Variants in SERPINE2 observed in about 807,000 individuals in gnomAD.
SERPINE2 encodes glia-derived nexin.
Under a neutral mutation model 36.3 loss-of-function variants are expected in SERPINE2, and 14 were observed. That is an observed-to-expected ratio of 0.39 (90% CI 0.25 to 0.60). SERPINE2 has a LOEUF of 0.60. SERPINE2 is among the 20% of genes least tolerant of loss of function. SERPINE2 has a pLI of 0.57. For missense variants in SERPINE2, 418 were observed against 499.6 expected, an observed-to-expected ratio of 0.84 and a Z score of 1.56; for synonymous variants, 192 against 191.8, an observed-to-expected ratio of 1.00 and a Z score of -0.01.
At chr2:224,030,088 G>A (rs1692311500) in intron 1 of SERPINE2, 1 of 985,416 alleles carries the variant, frequency 1.0e-6, no homozygotes, top group Admixed American at 6.1e-5. Context: ...CGTGTTCCCT[G>A]GAAGACCTCT....
At chr2:224,032,791 A>C (rs1218113031) in intron 1 of SERPINE2, among the ~76,000 whole-genome samples, 1 of 152,236 alleles carries the variant, frequency 6.6e-6, no homozygotes, top group African/African-American at 2.4e-5. Context: ...GAATCCTAGG[A>C]CATGTTTGCC....
At chr2:224,031,560 C>G in intron 1 of SERPINE2, 3 of 950,634 alleles carry the variant, frequency 3.2e-6, no homozygotes, top group Non-Finnish European at 3.8e-6. Context: ...GGCATGTGAC[C>G]ACGTGACCTA....
chr2:224,037,302 C>G (rs1692566706), intron 1 of SERPINE2, among the ~76,000 whole-genome samples: 1 of 152,186 alleles, frequency 6.6e-6, no homozygotes, highest in Non-Finnish European at 1.5e-5. Flanking sequence ...CCTGCCAAAC[C>G]CGCAAGAGGA....
intron 4 of SERPINE2, among the ~76,000 whole-genome samples, chr2:223,986,738 G>A (rs1690445641): frequency 6.6e-6 from 1 of 152,160 alleles, no homozygotes; most frequent in Admixed American, 6.5e-5. Flanking sequence ...AGGGAGGAGA[G>A]AGATCATCTA....
rs116156385 is a variant in SERPINE2, at chr2:224,025,590, T to C, written c.-23+13509A>G. ...GTTAGAAATAGTACTTTTCATTCCA[T>C]GTCCACCTTCCATGAAGCAATTTAG... On this transcript the variant is annotated intron_variant, in intron 1 of 8. Transcript: ENST00000409304. 2.7e-3 allele frequency among the ~76,000 whole-genome samples: 407 copies of C among 152,364 alleles called. 4 individuals carry two copies. Among genetic ancestry groups the C allele is most frequent in the African/African-American group, 9.3e-3 (387 of 41,590 alleles).
Position 223,982,775 on chromosome 2 carries a change from T to C in SERPINE2, c.891A>G (p.Thr297=). ...KRVQVILPKF[T]AVAQTDLKEP... is the part of the protein sequence containing the mutation. ...CCTTCAAATCTGTTTGTGCTACAGC[T>C]GTGAACCTAGCATGAAAGCAGAAAT... The change falls in exon 6 of 9, where the codon ACA becomes ACG. Residue 297 remains threonine (T), a synonymous_variant. Coordinates refer to ENST00000409304, the MANE Select transcript of SERPINE2 (RefSeq NM_001136528.2). 1 of 1,611,572 alleles carries C rather than the reference T, an allele frequency of 6.2e-7. No individual in the cohort carries two copies. The highest frequency in any genetic ancestry group is 1.1e-5 in the South Asian group (1 of 90,580).
intron 4 of SERPINE2, among the ~76,000 whole-genome samples, chr2:223,990,700 T>C (rs1690628040): frequency 6.6e-6 from 1 of 152,180 alleles, no homozygotes; most frequent in Admixed American, 6.5e-5. Context: ...CATTTGAGCC[T>C]GGTGCGGTGG....
At position 223,988,090 on chromosome 2, in the gene SERPINE2, G is replaced by A. The variant is rs1402171240; in HGVS notation, c.686-3140C>T. 2.0e-5 allele frequency among the ~76,000 whole-genome samples: 3 copies of A among 152,174 alleles called. No individual in the cohort carries two copies. In the East Asian group the frequency reaches 5.8e-4, roughly 29 times the overall value. ...GGGGACAGTAGCTGGGGAAGGAGGG[G>A]TGGCGTAAGTAACTGGGTGAGTATT... On this transcript the variant is annotated intron_variant, in intron 4 of 8. Transcript: ENST00000409304.
At chr2:224,011,766 T>TA (rs1296222197) in intron 1 of SERPINE2, among the ~76,000 whole-genome samples, 1 of 152,202 alleles carries the variant, frequency 6.6e-6, no homozygotes, top group African/African-American at 2.4e-5. Context: ...AATGTGATAA[T>TA]AAAAAAGATT....
chr2:223,997,329 T>G (rs912225489), intron 3 of SERPINE2, among the ~76,000 whole-genome samples: 18 of 152,174 alleles, frequency 1.2e-4, no homozygotes, highest in African/African-American at 4.3e-4. Flanking sequence ...CAAGCGATTC[T>G]CCTGCCTCAG....
In SERPINE2 at chr2:224,005,065, T is replaced by TTATATA. The variant is rs71058976; in HGVS notation, c.-22-3149_-22-3144dup. 5.4e-3 allele frequency among the ~76,000 whole-genome samples: 181 copies of TTATATA among 33,522 alleles called. 1 individual carries two copies. Among genetic ancestry groups the TTATATA allele is most frequent in the African/African-American group, 0.017 (165 of 9,990 alleles). The allele number at this position is 33,522 out of a possible 152,430, so 22.0% of individuals were successfully genotyped here. On this transcript the variant is annotated intron_variant, in intron 1 of 8. Coordinates refer to ENST00000409304, the MANE Select transcript of SERPINE2 (RefSeq NM_001136528.2). ...ATATATTTTATATATTTTATATATA[T>TTATATA]TATATATATATATATATATATATAT... is the stretch of plus-strand genomic sequence containing the variant.
At chr2:223,991,191 G>A (rs531729703) in intron 4 of SERPINE2, among the ~76,000 whole-genome samples, 2 of 152,210 alleles carry the variant, frequency 1.3e-5, no homozygotes, top group Admixed American at 1.3e-4. Context: ...TAAGTCTCAT[G>A]ATCACATACG....
Position 224,001,775 on chromosome 2 carries a change from A to C in SERPINE2, c.126T>G (p.Ile42Met). 6.2e-7 allele frequency: 1 copy of C among 1,614,010 alleles called. No individual in the cohort carries two copies. The highest frequency in any genetic ancestry group is 8.5e-7 in the Non-Finnish European group (1 of 1,180,028). ...TGTTGTCATGAGGCCTCGACTTCAC[A>C]ATCTGATTGAAAACCTGGATCCCCG... ...SNTGIQVFNQ[I>M]VKSRPHDNIV... Residue 42 changes from isoleucine to methionine, a missense_variant, in exon 2 of 9, where the codon ATT (isoleucine) becomes ATG (methionine). By Grantham distance (10) the Ile-to-Met change is conservative. Coordinates refer to ENST00000409304, the MANE Select transcript of SERPINE2 (RefSeq NM_001136528.2).
At chr2:224,027,544 C>T (rs1692226056) in intron 1 of SERPINE2, among the ~76,000 whole-genome samples, 1 of 152,140 alleles carries the variant, frequency 6.6e-6, no homozygotes, top group South Asian at 2.1e-4. Context: ...TGATCCAGTA[C>T]AGGACTTAGG....
At chr2:224,005,610 G>A (rs538654438) in intron 1 of SERPINE2, among the ~76,000 whole-genome samples, 7 of 152,210 alleles carry the variant, frequency 4.6e-5, no homozygotes, top group South Asian at 2.1e-4. Context: ...ATAGACAATC[G>A]TTTACATGAA....
chr2:224,014,356 C>A (rs746983355), intron 1 of SERPINE2, among the ~76,000 whole-genome samples: 1 of 151,584 alleles, frequency 6.6e-6, no homozygotes, highest in African/African-American at 2.4e-5. Flanking sequence ...GCCTGAGCAA[C>A]AATCAAGACA....
intron 1 of SERPINE2, among the ~76,000 whole-genome samples, chr2:224,016,666 C>G (rs938984021): frequency 6.6e-6 from 1 of 151,968 alleles, no homozygotes; most frequent in Non-Finnish European, 1.5e-5. Flanking sequence ...CACATAAAAA[C>G]CTGTATACCA....
intron 3 of SERPINE2, among the ~76,000 whole-genome samples, chr2:223,993,189 C>T (rs1433911182): frequency 6.6e-6 from 1 of 152,026 alleles, no homozygotes. Context: ...TCCTAGAACT[C>T]CTAATTTTGA....
At chr2:224,014,106 G>A (rs1342905027) in intron 1 of SERPINE2, among the ~76,000 whole-genome samples, 1 of 152,188 alleles carries the variant, frequency 6.6e-6, no homozygotes, top group African/African-American at 2.4e-5. Flanking sequence ...CATGCGAGGT[G>A]GCTCATGCCT....
Sources: allele counts gnomAD v4.1 joint callset (sites outside exome capture counted in the v4.1 genomes callset), GRCh38; gene constraint gnomAD v4.1.1; transcripts MANE v1.5; gene names NCBI Gene and HGNC (gene_info 2026-07-23, HGNC 2026-07-21).